The following UVRAG variants were observed in gnomAD, a reference collection of about 807,000 sequenced individuals.
The protein encoded by UVRAG is UV radiation resistance associated.
UVRAG carries 19 observed loss-of-function variants against 78.0 expected under a neutral mutation model. The observed-to-expected ratio is 0.24, with a 90% CI of 0.17 to 0.36. The LOEUF is 0.36. UVRAG is among the 10% of genes least tolerant of loss of function. The probability of loss-of-function intolerance (pLI) is 1.00; values close to 1 mark genes in which losing one functional copy is unlikely to be tolerated. For synonymous variants in UVRAG, 323 were observed against 324.6 expected (o/e 1.00, Z 0.05); for missense variants, 740 against 853.8 (o/e 0.87, Z 1.66).
At chr11:75,953,150 C>T (rs1948733724) in intron 6 of UVRAG, among the ~76,000 whole-genome samples, 1 of 151,996 alleles carries the variant, frequency 6.6e-6, no homozygotes. Context: ...CTTTATCTCT[C>T]TTCTCTCTCA....
chr11:76,139,674 A>C (rs1181701195), intron 14 of UVRAG, among the ~76,000 whole-genome samples: 1 of 152,240 alleles, frequency 6.6e-6, no homozygotes, highest in Non-Finnish European at 1.5e-5. Context: ...GTCTAGAGCT[A>C]GCATAGTGTA....
rs1442137075 is a variant in UVRAG at position 76,105,908 on chromosome 11, T to C, written c.1306-10016T>C. 3.9e-5 allele frequency among the ~76,000 whole-genome samples: 6 copies of C among 152,138 alleles called. No individual in the cohort carries two copies. In the South Asian group the frequency reaches 6.2e-4, roughly 16 times the overall value. On this transcript the variant is annotated intron_variant, in intron 13 of 14. Coordinates refer to ENST00000356136, the MANE Select transcript of UVRAG (RefSeq NM_003369.4). ...ATTGCTGCTGAGAATGAAAAACTTA[T>C]ATAATCACTTTGGAAAGTAGTTCGC...
At chr11:75,898,618 T>C (rs1446511185) in intron 5 of UVRAG, among the ~76,000 whole-genome samples, 3 of 152,232 alleles carry the variant, frequency 2.0e-5, no homozygotes, top group Non-Finnish European at 4.4e-5. Context: ...TTCTTCGTTA[T>C]ACTACGTCAC....
At chr11:75,854,941 G>A (rs1458493543) in intron 2 of UVRAG, among the ~76,000 whole-genome samples, 1 of 152,106 alleles carries the variant, frequency 6.6e-6, no homozygotes, top group African/African-American at 2.4e-5. Flanking sequence ...ATCAGTCCTG[G>A]TTACCTTAAC....
intron 5 of UVRAG, among the ~76,000 whole-genome samples, chr11:75,889,258 A>G (rs1183150312): frequency 6.6e-6 from 1 of 152,258 alleles, no homozygotes; most frequent in Non-Finnish European, 1.5e-5. Flanking sequence ...AACTTTCAAT[A>G]CATTTAAGAA....
At chr11:75,837,880 G>C (rs1945819624) in intron 1 of UVRAG, among the ~76,000 whole-genome samples, 1 of 152,180 alleles carries the variant, frequency 6.6e-6, no homozygotes. Flanking sequence ...GGCAGGCATG[G>C]TGGCATTGGC....
intron 5 of UVRAG, among the ~76,000 whole-genome samples, chr11:75,906,050 G>A (rs1947607860): frequency 6.6e-6 from 1 of 151,994 alleles, no homozygotes; most frequent in Non-Finnish European, 1.5e-5. Flanking sequence ...AAATTGAGTT[G>A]TCTTTTTGCT....
rs1352347236 is a variant in UVRAG, at chr11:75,970,886, A to G, written c.699+9337A>G. Reference sequence around the variant, plus strand: ...AATACATTATTATTAACTGAAGTACATAGTTTACATTAGGGTTTACTCTTT... The same window carrying G: ...AATACATTATTATTAACTGAAGTACGTAGTTTACATTAGGGTTTACTCTTT... On this transcript the variant is annotated intron_variant, in intron 7 of 14. Coordinates refer to ENST00000356136, the MANE Select transcript of UVRAG (RefSeq NM_003369.4). Among the ~76,000 whole-genome samples the G allele has an allele frequency of 2.6e-5, 4 of 152,198 alleles. No homozygotes were observed. In the East Asian group the frequency reaches 5.8e-4, roughly 22 times the overall value.
chr11:76,032,361 G>C (rs1367122640), intron 12 of UVRAG, among the ~76,000 whole-genome samples: 1 of 152,080 alleles, frequency 6.6e-6, no homozygotes, highest in Non-Finnish European at 1.5e-5. Context: ...AGTAGTTTCT[G>C]AATCAGATTA....
At chr11:76,084,820 G>T (rs963161371) in intron 13 of UVRAG, among the ~76,000 whole-genome samples, 2 of 151,952 alleles carry the variant, frequency 1.3e-5, no homozygotes, top group Non-Finnish European at 2.9e-5. Context: ...CCAGCACTTT[G>T]GGAGGCTGAG....
chr11:75,957,732 G>A (rs1172797640), intron 6 of UVRAG, among the ~76,000 whole-genome samples: 1 of 152,100 alleles, frequency 6.6e-6, no homozygotes, highest in Non-Finnish European at 1.5e-5. Flanking sequence ...TCAGGGTTGA[G>A]TCTTGCACAT....
intron 7 of UVRAG, among the ~76,000 whole-genome samples, chr11:75,981,592 G>A (rs1949395334): frequency 6.6e-6 from 1 of 152,048 alleles, no homozygotes; most frequent in Non-Finnish European, 1.5e-5. Flanking sequence ...TGGGATTACA[G>A]GCATGAGCCA....
rs773864953 is a variant in UVRAG at position 76,065,706 on chromosome 11, T to C, written c.1227-4T>C. On this transcript the variant is annotated splice_polypyrimidine_tract_variant and splice_region_variant and intron_variant, in intron 12 of 14. Transcript: ENST00000356136. ...AATATCTGATCCTTTTTTACCTTTC[T>C]TAGGTTTCCACTGTATCCAAAAGGA... 3 of 1,613,566 alleles carry C rather than the reference T, an allele frequency of 1.9e-6. No individual in the cohort carries two copies. Among genetic ancestry groups the C allele is most frequent in the Non-Finnish European group, 2.5e-6 (3 of 1,179,786 alleles).
chr11:76,026,557 A>G (rs967348772), intron 12 of UVRAG, among the ~76,000 whole-genome samples: 1 of 152,032 alleles, frequency 6.6e-6, no homozygotes, highest in East Asian at 1.9e-4. Context: ...TTCATTTCCA[A>G]CTCTCTTCTG....
At chr11:75,970,865 C>T (rs1949109786) in intron 7 of UVRAG, among the ~76,000 whole-genome samples, 1 of 151,748 alleles carries the variant, frequency 6.6e-6, no homozygotes, top group Non-Finnish European at 1.5e-5. Context: ...AATATTAATA[C>T]ATTATTATTA....
chr11:75,928,744 C>A (rs1302314973), intron 6 of UVRAG, among the ~76,000 whole-genome samples: 1 of 151,706 alleles, frequency 6.6e-6, no homozygotes, highest in Admixed American at 6.6e-5. Flanking sequence ...TTGAGACTAT[C>A]CTGGCTAACA....
intron 13 of UVRAG, among the ~76,000 whole-genome samples, chr11:76,101,288 C>A (rs908031130): frequency 6.6e-6 from 1 of 151,964 alleles, no homozygotes; most frequent in Non-Finnish European, 1.5e-5. Context: ...AATAGCCATT[C>A]TGACTGGTAT....
rs1950607106 is a variant in UVRAG at position 76,039,741 on chromosome 11, GGTGGGCACCT to G, written c.1226+22764_1226+22773del. Reference sequence around the variant, plus strand: ...AACACAAAAATTAGCCGGATGTGGGGGTGGGCACCTGTAGTCCCAGCTACTTGGGAGGCTG... The same window carrying G: ...AACACAAAAATTAGCCGGATGTGGGGGTAGTCCCAGCTACTTGGGAGGCTG... On this transcript the variant is annotated intron_variant, in intron 12 of 14. Coordinates refer to ENST00000356136, the MANE Select transcript of UVRAG (RefSeq NM_003369.4). Among the ~76,000 whole-genome samples the G allele has an allele frequency of 3.3e-5, 5 of 152,180 alleles. No individual in the cohort carries two copies. In the South Asian group the frequency reaches 1.0e-3, roughly 32 times the overall value.
intron 5 of UVRAG, among the ~76,000 whole-genome samples, chr11:75,901,019 C>T (rs548458530): frequency 1.3e-5 from 2 of 152,196 alleles, no homozygotes; most frequent in African/African-American, 4.8e-5. Flanking sequence ...ATCTGGGCTT[C>T]GTCAGATCTC....
Sources: allele counts gnomAD v4.1 joint callset (sites outside exome capture counted in the v4.1 genomes callset), GRCh38; gene constraint gnomAD v4.1.1; transcripts MANE v1.5; gene names NCBI Gene and HGNC (gene_info 2026-07-23, HGNC 2026-07-21).